PPP1R9A: variants seen among roughly 807,000 people sequenced by gnomAD.
PPP1R9A encodes protein phosphatase 1 regulatory subunit 9A, also known as neurabin-1.
PPP1R9A carries 59 observed loss-of-function variants against 141.9 expected under a neutral mutation model. The observed-to-expected ratio is 0.42, with a 90% CI of 0.34 to 0.52. PPP1R9A has a LOEUF of 0.52. Among genes scored for constraint, PPP1R9A ranks in the 20% least tolerant of loss-of-function variants. The probability of loss-of-function intolerance (pLI) is 0.10; values close to 1 mark genes in which losing one functional copy is unlikely to be tolerated. For missense variants in PPP1R9A, 1,444 were observed against 1,611.9 expected (o/e 0.90, Z 1.78); for synonymous variants, 500 against 569.7 (o/e 0.88, Z 1.74).
In PPP1R9A at chr7:95,111,266, A is replaced by G. The variant is rs778997728; in HGVS notation, c.1403A>G (p.Asn468Ser). The change falls in exon 3 of 20, where the codon AAC becomes AGC. Residue 468 changes from asparagine to serine, a missense_variant. By Grantham distance (46) the Asn-to-Ser change is conservative. Around this residue, in one of 5 missense-constraint regions of PPP1R9A, gnomAD observed 488 missense variants for 542.0 expected, o/e 0.90. Transcript: ENST00000433360. Reference sequence around the variant, plus strand: ...GTTGGCCTCTTACTACAGGTTTTCAACACATACTCCAATGAAGACTATGAC... The same window carrying G: ...GTTGGCCTCTTACTACAGGTTTTCAGCACATACTCCAATGAAGACTATGAC... ...KFSSAPIKVF[N>S]TYSNEDYDRR... The G allele has an allele frequency of 2.4e-5, 38 of 1,611,938 alleles. No individual in the cohort carries two copies. The highest frequency in any genetic ancestry group is 2.0e-4 in the East Asian group (9 of 44,818).
intron 7 of PPP1R9A, among the ~76,000 whole-genome samples, chr7:95,203,958 T>C (rs1790146311): frequency 6.6e-6 from 1 of 152,196 alleles, no homozygotes; most frequent in Non-Finnish European, 1.5e-5. Flanking sequence ...TTTCTTAATA[T>C]TTAGCCATGG....
chr7:95,164,211 A>G (rs943895963), intron 5 of PPP1R9A, among the ~76,000 whole-genome samples: 3 of 152,154 alleles, frequency 2.0e-5, no homozygotes, highest in East Asian at 3.9e-4. Context: ...GAGAGTTCCT[A>G]TTGCTCCACA....
chr7:95,012,356 C>G (rs1005422089), intron 2 of PPP1R9A, among the ~76,000 whole-genome samples: 1 of 152,010 alleles, frequency 6.6e-6, no homozygotes, highest in Non-Finnish European at 1.5e-5. Flanking sequence ...ACCCTGAGAA[C>G]TCTATTATGA....
intron 8 of PPP1R9A, among the ~76,000 whole-genome samples, chr7:95,226,509 T>A (rs1795163994): frequency 6.6e-6 from 1 of 152,188 alleles, no homozygotes; most frequent in Admixed American, 6.5e-5. Flanking sequence ...AAGCATCAGA[T>A]GGCATACCCA....
At chr7:95,107,676 A>G (rs781263904) in intron 2 of PPP1R9A, among the ~76,000 whole-genome samples, 16 of 152,202 alleles carry the variant, frequency 1.1e-4, no homozygotes, top group South Asian at 2.1e-4. Flanking sequence ...CAGAGCTCAA[A>G]CTATATTGCC....
In PPP1R9A at chr7:95,054,262, C is replaced by G. The variant is rs372725548; in HGVS notation, c.1396-56997C>G. Among the ~76,000 whole-genome samples, 8 of 151,118 alleles carry G rather than the reference C, an allele frequency of 5.3e-5. No homozygotes were observed. The East Asian group carries it at 1.6e-3, about 30-fold the overall frequency. On this transcript the variant is annotated intron_variant, in intron 2 of 19. Transcript: ENST00000433360. ...TCCCGAGTAGCTGAGATTACAGGCG[C>G]CCACCACCACGCCCAGCTAATTTTT...
At chr7:95,228,354 C>T (rs1390872239) in intron 8 of PPP1R9A, among the ~76,000 whole-genome samples, 1 of 152,160 alleles carries the variant, frequency 6.6e-6, no homozygotes, top group Non-Finnish European at 1.5e-5. Flanking sequence ...TGAATGGTGT[C>T]AAACATATAC....
At chr7:95,286,139 G>A in intron 17 of PPP1R9A, 67 bp from the exon 18 acceptor site, 5 of 1,589,742 alleles carry the variant, frequency 3.1e-6, no homozygotes, top group Non-Finnish European at 4.3e-6. Context: ...TTTAGAGCTT[G>A]TAGACACACC....
chr7:95,144,868 AAATT>A (rs959776190), intron 4 of PPP1R9A, among the ~76,000 whole-genome samples: 3 of 152,236 alleles, frequency 2.0e-5, no homozygotes, highest in African/African-American at 7.2e-5. Flanking sequence ...ACTAATAAAT[AAATT>A]CAGCAAACTT....
chr7:95,169,227 A>G (rs988002373), intron 5 of PPP1R9A, among the ~76,000 whole-genome samples: 2 of 151,964 alleles, frequency 1.3e-5, no homozygotes, highest in Non-Finnish European at 2.9e-5. Context: ...GAATCATGTC[A>G]TTTGTAGCAA....
chr7:94,954,459 T>C (rs1403371809), intron 2 of PPP1R9A, among the ~76,000 whole-genome samples: 2 of 152,034 alleles, frequency 1.3e-5, no homozygotes, highest in Non-Finnish European at 2.9e-5. Context: ...TAAGTCTATA[T>C]GTTGGATGCA....
intron 2 of PPP1R9A, among the ~76,000 whole-genome samples, chr7:95,055,506 A>G (rs1563173949): frequency 1.3e-5 from 2 of 152,170 alleles, no homozygotes; most frequent in Admixed American, 6.6e-5. Context: ...CTAGATTGCT[A>G]TGAAAACATT....
chr7:94,951,867 T>A (rs1796516371), intron 2 of PPP1R9A, among the ~76,000 whole-genome samples: 1 of 152,040 alleles, frequency 6.6e-6, no homozygotes, highest in Non-Finnish European at 1.5e-5. Flanking sequence ...TTATGAGTTT[T>A]AAATTTTTCA....
At chr7:94,960,456 G>T (rs116486941) in intron 2 of PPP1R9A, among the ~76,000 whole-genome samples, 1,696 of 151,764 alleles carry the variant, frequency 0.011, 34 homozygotes, top group African/African-American at 0.039. Context: ...TGTTATAAAT[G>T]ATAGTCTGTG....
At chr7:95,249,812 T>A (rs1798625071) in intron 9 of PPP1R9A, among the ~76,000 whole-genome samples, 1 of 152,208 alleles carries the variant, frequency 6.6e-6, no homozygotes, top group Non-Finnish European at 1.5e-5. Context: ...TTATCACTTA[T>A]CAAATGTGTG....
intron 16 of PPP1R9A, among the ~76,000 whole-genome samples, chr7:95,281,100 C>T (rs1349954107): frequency 1.3e-5 from 2 of 151,944 alleles, no homozygotes; most frequent in South Asian, 2.1e-4. Context: ...TCTCTAGGTC[C>T]GAGAAATGAA....
intron 5 of PPP1R9A, among the ~76,000 whole-genome samples, chr7:95,178,793 C>A (rs1275971023): frequency 6.6e-6 from 1 of 152,048 alleles, no homozygotes; most frequent in East Asian, 1.9e-4. Flanking sequence ...TGGATAAATT[C>A]TTTGTAAGAT....
At chr7:95,200,720 CAG>C (rs1327741342) in intron 6 of PPP1R9A, among the ~76,000 whole-genome samples, 1 of 152,132 alleles carries the variant, frequency 6.6e-6, no homozygotes, top group Non-Finnish European at 1.5e-5. Flanking sequence ...GTAAAGTAAT[CAG>C]AGTTGTCACC....
At chr7:95,233,462 C>G (rs1428699546) in intron 8 of PPP1R9A, among the ~76,000 whole-genome samples, 2 of 151,938 alleles carry the variant, frequency 1.3e-5, no homozygotes, top group Non-Finnish European at 2.9e-5. Flanking sequence ...ACATGTATAC[C>G]TATGTAACAA....
Sources: gnomAD v4.1 joint callset for allele counts (sites outside exome capture counted in the v4.1 genomes callset) on GRCh38, gnomAD v4.1.1 for gene constraint, gnomAD v4.1.1 regional missense constraint, MANE v1.5 for transcripts, NCBI Gene and HGNC (gene_info 2026-07-23, HGNC 2026-07-21) for gene names.